The following SMYD3 variants were observed in gnomAD, a reference collection of about 807,000 sequenced individuals.
SMYD3 encodes histone-lysine N-methyltransferase SMYD3.
Under a neutral mutation model 57.7 loss-of-function variants are expected in SMYD3, and 36 were observed. The observed-to-expected ratio is 0.62, with a 90% CI of 0.48 to 0.82. The LOEUF (loss-of-function observed/expected upper bound fraction) is 0.82, where lower values mean the gene tolerates loss of function less well. Ranked by LOEUF, SMYD3 falls within the 40% of genes least tolerant of loss-of-function variation. The pLI, the probability that SMYD3 is intolerant of heterozygous loss-of-function variation, is 0.00. For synonymous variants in SMYD3, 211 were observed against 195.0 expected (o/e 1.08, Z -0.68); for missense variants, 515 against 538.8 (o/e 0.96, Z 0.44).
rs146156547 is a variant in SMYD3 at position 246,287,251 on chromosome 1, A to G, written c.531+39950T>C. Among the ~76,000 whole-genome samples the G allele has an allele frequency of 4.7e-3, 716 of 152,348 alleles. 4 individuals are homozygous for G. Among genetic ancestry groups the G allele is most frequent in the African/African-American group, 0.015 (642 of 41,582 alleles). ...GATCAGAAAACATTAGTGAAAGTCC[A>G]GAGTTGTTTTAAACTTAGAAAATAT... On this transcript the variant is annotated intron_variant, in intron 5 of 11. Coordinates refer to ENST00000490107, the MANE Select transcript of SMYD3 (RefSeq NM_001167740.2).
intron 5 of SMYD3, among the ~76,000 whole-genome samples, chr1:246,140,412 C>T (rs1343139764): frequency 1.3e-5 from 2 of 152,148 alleles, no homozygotes; most frequent in Non-Finnish European, 2.9e-5. Flanking sequence ...ATAAGGTCAA[C>T]AAATGTTAGC....
intron 5 of SMYD3, among the ~76,000 whole-genome samples, chr1:246,014,179 C>T (rs111795916): frequency 5.3e-5 from 8 of 152,134 alleles, no homozygotes; most frequent in East Asian, 3.9e-4. Context: ...AAAAGTTAGC[C>T]GGGCATGGTG....
intron 1 of SMYD3, among the ~76,000 whole-genome samples, chr1:246,485,573 G>T (rs1477351563): frequency 6.6e-6 from 1 of 152,020 alleles, no homozygotes; most frequent in African/African-American, 2.4e-5. Flanking sequence ...CTTGAGGCCA[G>T]GTGTTCAAGC....
At chr1:246,249,456 C>A (rs2063764458) in intron 5 of SMYD3, among the ~76,000 whole-genome samples, 1 of 152,010 alleles carries the variant, frequency 6.6e-6, no homozygotes, top group Admixed American at 6.6e-5. Flanking sequence ...AATATGGAAA[C>A]TATTAAACAA....
At chr1:245,804,061 C>T (rs772330828) in intron 10 of SMYD3, among the ~76,000 whole-genome samples, 2 of 151,798 alleles carry the variant, frequency 1.3e-5, no homozygotes, top group Non-Finnish European at 2.9e-5. Context: ...CACAGGCGCC[C>T]ACCACCACAC....
chr1:246,093,890 T>C (rs941454968), intron 5 of SMYD3, among the ~76,000 whole-genome samples: 2 of 152,194 alleles, frequency 1.3e-5, no homozygotes, highest in Admixed American at 6.5e-5. Context: ...GTCCCCTTCT[T>C]ACCCGCCAAA....
intron 7 of SMYD3, among the ~76,000 whole-genome samples, chr1:245,917,133 G>A (rs1036501469): frequency 6.6e-6 from 1 of 151,850 alleles, no homozygotes; most frequent in East Asian, 1.9e-4. Flanking sequence ...AGGTTTGGGT[G>A]ATCCTCCCAC....
At chr1:246,057,372 ATGT>A (rs1383374696) in intron 5 of SMYD3, among the ~76,000 whole-genome samples, 1 of 152,138 alleles carries the variant, frequency 6.6e-6, no homozygotes, top group Admixed American at 6.5e-5. Context: ...GAATTCACTA[ATGT>A]TGTCCTTCCT....
intron 5 of SMYD3, among the ~76,000 whole-genome samples, chr1:245,956,816 A>G (rs372829528): frequency 6.6e-6 from 1 of 152,206 alleles, no homozygotes; most frequent in African/African-American, 2.4e-5. Flanking sequence ...ATTCTGTTGG[A>G]GCAATGATTT....
At chr1:245,844,121 C>T (rs2050542361) in intron 10 of SMYD3, among the ~76,000 whole-genome samples, 1 of 152,174 alleles carries the variant, frequency 6.6e-6, no homozygotes, top group African/African-American at 2.4e-5. Flanking sequence ...ACTCTTCTTC[C>T]TTCCTACAAG....
chr1:246,393,790 G>C (rs1399665449), intron 1 of SMYD3, among the ~76,000 whole-genome samples: 4 of 152,030 alleles, frequency 2.6e-5, no homozygotes, highest in African/African-American at 9.7e-5. Flanking sequence ...TGGGAAGTGA[G>C]GCTGCCGTGT....
At chr1:246,484,025 GCACTAGTTACA>G (rs2068150420) in intron 1 of SMYD3, among the ~76,000 whole-genome samples, 1 of 139,450 alleles carries the variant, frequency 7.2e-6, no homozygotes, top group African/African-American at 2.8e-5. Flanking sequence ...CTAAACCATT[GCACTAGTTACA>G]CCTAAAAACA....
At chr1:246,260,474 C>T (rs764238887) in intron 5 of SMYD3, among the ~76,000 whole-genome samples, 2 of 151,994 alleles carry the variant, frequency 1.3e-5, no homozygotes, top group Non-Finnish European at 2.9e-5. Context: ...TTTTTTGAGA[C>T]AGAGTCTTGT....
intron 5 of SMYD3, among the ~76,000 whole-genome samples, chr1:245,935,939 G>A (rs2056961953): frequency 6.6e-6 from 1 of 152,140 alleles, no homozygotes; most frequent in Non-Finnish European, 1.5e-5. Context: ...TTCTTCACAG[G>A]AGGAATAAGT....
At chr1:246,326,316 G>T in intron 5 of SMYD3, 1 of 667,736 alleles carries the variant, frequency 1.5e-6, no homozygotes. Context: ...GAGGACAGCA[G>T]ATCCATAGCA....
At chr1:245,882,117 C>T (rs1467127501) in intron 8 of SMYD3, among the ~76,000 whole-genome samples, 1 of 152,156 alleles carries the variant, frequency 6.6e-6, no homozygotes, top group Non-Finnish European at 1.5e-5. Flanking sequence ...AGGCAGACCG[C>T]TTAGGGAGGC....
intron 8 of SMYD3, among the ~76,000 whole-genome samples, chr1:245,881,091 T>C (rs968044083): frequency 1.3e-5 from 2 of 152,160 alleles, no homozygotes; most frequent in African/African-American, 2.4e-5. Flanking sequence ...ATTATAAAAA[T>C]ATACAGATCT....
intron 5 of SMYD3, among the ~76,000 whole-genome samples, chr1:246,028,031 T>C (rs927253888): frequency 2.0e-5 from 3 of 152,222 alleles, no homozygotes; most frequent in African/African-American, 7.2e-5. Flanking sequence ...GTGAAGAAAG[T>C]AATCAGAAAT....
chr1:246,305,933 AGAGCTATTGTTGATAGGT>A (rs1484759450), intron 5 of SMYD3: 1 of 152,196 alleles, frequency 6.6e-6, no homozygotes, highest in Non-Finnish European at 1.5e-5. Context: ...AAGTTTAGAA[AGAGCTATTGTTGATAGGT>A]GAGCCATGTA....
Sources: gnomAD v4.1 joint callset for allele counts (sites outside exome capture counted in the v4.1 genomes callset) on GRCh38, gnomAD v4.1.1 for gene constraint, MANE v1.5 for transcripts, NCBI Gene and HGNC (gene_info 2026-07-23, HGNC 2026-07-21) for gene names.